The following NPC1 variants were observed in gnomAD, a reference collection of about 807,000 sequenced individuals.
NPC1 encodes the protein Niemann-Pick C1 protein.
In NPC1, 85 loss-of-function variants were observed where a neutral mutation model predicts 140.4. The observed-to-expected ratio is 0.61, with a 90% CI of 0.51 to 0.72. The LOEUF (loss-of-function observed/expected upper bound fraction) is 0.72, where lower values mean the gene tolerates loss of function less well. Among genes scored for constraint, NPC1 ranks in the 30% least tolerant of loss-of-function variants. The pLI, the probability that NPC1 is intolerant of heterozygous loss-of-function variation, is 0.00. For synonymous variants in NPC1, 656 were observed against 624.8 expected (o/e 1.05, Z -0.74); for missense variants, 1,504 against 1,623.8 (o/e 0.93, Z 1.27).
chr18:23,532,710 T>G (rs1455286972), intron 24 of NPC1, among the ~76,000 whole-genome samples: 1 of 151,490 alleles, frequency 6.6e-6, no homozygotes, highest in African/African-American at 2.4e-5. Context: ...TTTTTTTTTT[T>G]TTCTTAAAAG....
downstream of NPC1, chr18:23,530,583 G>A (rs760250700): frequency 1.5e-5 from 24 of 1,613,834 alleles, no homozygotes; most frequent in Admixed American, 3.3e-5. Flanking sequence ...CGAAACCAGC[G>A]TTTGCGAGGG....
chr18:23,575,892 G>A (rs1442632685), intron 1 of NPC1, among the ~76,000 whole-genome samples: 2 of 150,570 alleles, frequency 1.3e-5, no homozygotes, highest in Non-Finnish European at 3.0e-5. Context: ...TTTGAGACCA[G>A]CCTGGGCAAC....
At position 23,531,816 on chromosome 18, in the gene NPC1, C is replaced by A. The variant is rs2058519987; in HGVS notation, c.*386G>T. 8 of 1,503,004 alleles carry A rather than the reference C, an allele frequency of 5.3e-6. No homozygotes were observed. The Admixed American group carries it at 1.2e-4, about 22-fold the overall frequency. 93.1% of individuals were successfully genotyped at this position (1,503,004 alleles called of 1,614,324 possible). On this transcript the variant is annotated 3_prime_UTR_variant, in exon 25 of 25. Coordinates refer to ENST00000269228, the MANE Select transcript of NPC1 (RefSeq NM_000271.5). ...AGTGTATCTACAACCTCAACTGTCA[C>A]TAAAAATATGGTATAGAACTTGTGG...
intron 20 of NPC1, among the ~76,000 whole-genome samples, chr18:23,538,274 A>C (rs1313653802): frequency 6.6e-6 from 1 of 152,224 alleles, no homozygotes; most frequent in Admixed American, 6.5e-5. Flanking sequence ...TGTGCACAGG[A>C]ATCTGCGTTC....
chr18:23,523,356 C>T (rs770237804), intron 1 of NPC1, among the ~76,000 whole-genome samples: 2 of 151,880 alleles, frequency 1.3e-5, no homozygotes, highest in Non-Finnish European at 2.9e-5. Context: ...GGGTCTGCTT[C>T]CCAGACGAGC....
chr18:23,571,628 T>G (rs1318177690), intron 3 of NPC1, among the ~76,000 whole-genome samples: 1 of 149,154 alleles, frequency 6.7e-6, no homozygotes, highest in East Asian at 2.0e-4. Context: ...TACTCCAGCC[T>G]CGGTGACAGA....
downstream of NPC1, among the ~76,000 whole-genome samples, chr18:23,527,615 C>T (rs559994355): frequency 1.4e-3 from 195 of 142,846 alleles, 1 homozygote; most frequent in African/African-American, 5.1e-3. Flanking sequence ...TTTTTTTAAC[C>T]GTAACCAGAA....
In NPC1 at chr18:23,548,061, T is replaced by G. The variant is rs779816981; in HGVS notation, c.1702A>C (p.Asn568His). The change falls in exon 11 of 25, where the codon AAT becomes CAT. Residue 568 changes from asparagine to histidine, a missense_variant. Asn to His is a moderately conservative substitution (Grantham distance 68). Transcript: ENST00000269228. ...ATALVITFPV[N>H]NYYNDTEKLQ... ...TTCTCTGTATCATTATAGTAATTAT[T>G]GACAGGGAAGGTAATCACAAGGGCA... is the stretch of plus-strand genomic sequence containing the variant. The G allele has an allele frequency of 6.2e-7, 1 of 1,612,996 alleles. No homozygotes were observed. The highest frequency in any genetic ancestry group is 1.1e-5 in the South Asian group (1 of 91,058).
intron 3 of NPC1, chr18:23,516,040 T>TC (rs765088265): frequency 2.3e-5 from 37 of 1,612,788 alleles, no homozygotes; most frequent in Non-Finnish European, 3.0e-5. Context: ...TCCCCAGTTG[T>TC]CCCCTGTTCC....
Position 23,586,349 on chromosome 18 carries a change from G to T in NPC1, c.-6C>A. 1 of 1,532,532 alleles carries T rather than the reference G, an allele frequency of 6.5e-7. No individual in the cohort carries two copies. The highest frequency in any genetic ancestry group is 8.7e-7 in the Non-Finnish European group (1 of 1,145,702). 94.9% of individuals were successfully genotyped at this position (1,532,532 alleles called of 1,614,324 possible). A position where few individuals can be genotyped will look rare whatever the true frequency, so the allele number is the denominator to read the frequency against. On this transcript the variant is annotated 5_prime_UTR_variant, in exon 1 of 25. Transcript: ENST00000269228. ...GCCAGGCCGCGAGCGGTCATGCTGT[G>T]GCCGCGCAAGGCTGCTGACGCCGGC...
At chr18:23,561,179 T>C (rs549916799) in intron 5 of NPC1, among the ~76,000 whole-genome samples, 181 bp downstream of exon 5, 1 of 152,328 alleles carries the variant, frequency 6.6e-6, no homozygotes, top group Admixed American at 6.5e-5. Flanking sequence ...ACCTGGCTAA[T>C]GTTTAATTCT....
At chr18:23,518,193 C>T (rs1368175679), downstream of NPC1, among the ~76,000 whole-genome samples, 2 of 152,116 alleles carry the variant, frequency 1.3e-5, no homozygotes, top group African/African-American at 4.8e-5. Context: ...TATTAGATGG[C>T]ACTTAAATAG....
intron 4 of NPC1, among the ~76,000 whole-genome samples, chr18:23,567,215 G>T (rs529821846): frequency 5.9e-5 from 9 of 152,284 alleles, no homozygotes; most frequent in Non-Finnish European, 2.9e-5. Context: ...GATTAGTTTT[G>T]TAAGAAACCG....
At chr18:23,554,537 C>T (rs1041090789) in intron 9 of NPC1, among the ~76,000 whole-genome samples, 2 of 151,492 alleles carry the variant, frequency 1.3e-5, no homozygotes, top group East Asian at 1.9e-4. Flanking sequence ...ACTTGGGAGC[C>T]GGAGGTTACA....
chr18:23,541,037 G>A (rs2058705680), intron 16 of NPC1, 31 bp downstream of exon 16: 2 of 1,612,378 alleles, frequency 1.2e-6, no homozygotes, highest in East Asian at 4.5e-5. Flanking sequence ...TTCAGTGAGA[G>A]GAAAGAGAAA....
At chr18:23,550,989 G>A (rs2058863883) in intron 10 of NPC1, among the ~76,000 whole-genome samples, 2 of 152,192 alleles carry the variant, frequency 1.3e-5, no homozygotes, top group African/African-American at 4.8e-5. Context: ...ACCAAGTGAG[G>A]AGAAGAAAAC....
At chr18:23,552,717 C>T (rs2058891502) in intron 9 of NPC1, among the ~76,000 whole-genome samples, 1 of 152,232 alleles carries the variant, frequency 6.6e-6, no homozygotes, top group Admixed American at 6.5e-5. Flanking sequence ...TGCTGAGAAG[C>T]TTCTGCATAT....
chr18:23,574,857 C>T (rs2059252295), intron 1 of NPC1, among the ~76,000 whole-genome samples: 1 of 152,086 alleles, frequency 6.6e-6, no homozygotes, highest in Non-Finnish European at 1.5e-5. Context: ...AAAGAGAATC[C>T]CAATTGTTAT....
downstream of NPC1, chr18:23,519,108 T>C (rs767588971): frequency 1.9e-6 from 3 of 1,614,090 alleles, no homozygotes; most frequent in South Asian, 3.3e-5. Context: ...TGAAGTTAAA[T>C]AGGACGGGAA....
Sources: allele counts gnomAD v4.1 joint callset (sites outside exome capture counted in the v4.1 genomes callset), GRCh38; gene constraint gnomAD v4.1.1; transcripts MANE v1.5; gene names NCBI Gene and HGNC (gene_info 2026-07-23, HGNC 2026-07-21).